The following WDR59 variants were observed in gnomAD, a reference collection of about 807,000 sequenced individuals.
WDR59 encodes WD repeat domain 59.
In WDR59, 100 loss-of-function variants were observed where a neutral mutation model predicts 131.2. That is an observed-to-expected ratio of 0.76 (90% CI 0.65 to 0.90). The LOEUF (loss-of-function observed/expected upper bound fraction) is 0.90, where lower values mean the gene tolerates loss of function less well. Ranked by LOEUF, WDR59 falls within the 40% of genes least tolerant of loss-of-function variation. The probability of loss-of-function intolerance (pLI) is 0.00; values close to 1 mark genes in which losing one functional copy is unlikely to be tolerated. For missense variants in WDR59, 1,203 were observed against 1,262.2 expected (o/e 0.95, Z 0.71); for synonymous variants, 601 against 466.2 (o/e 1.29, Z -3.72).
chr16:74,915,902 T>C lies in WDR59; in HGVS notation c.1192A>G (p.Ile398Val). 4 of 1,614,204 alleles carry C rather than the reference T, an allele frequency of 2.5e-6. No individual in the cohort carries two copies. The highest frequency in any genetic ancestry group is 3.4e-6 in the Non-Finnish European group (4 of 1,180,022). ...TTGACATTCCGGATTTGCACATTGA[T>C]CAGGGAGAATTCCTGCTGCAAGGTC... ...PQTLQQEFSL[I>V]NVQIRNVNVE... Residue 398 changes from isoleucine (I) to valine (V), a missense_variant, in exon 13 of 26, where the codon ATC becomes GTC. Physicochemically the swap from Ile to Val is conservative, Grantham distance 29. Transcript: ENST00000262144.
At chr16:74,900,384 TAACAATATGAGTATCTG>T (rs1965496287) in intron 18 of WDR59, among the ~76,000 whole-genome samples, 1 of 152,196 alleles carries the variant, frequency 6.6e-6, no homozygotes, top group Non-Finnish European at 1.5e-5. Context: ...GCACCTTTGC[TAACAATATGAGTATCTG>T]TTTACGGAGA....
chr16:74,970,477 A>T, intron 1 of WDR59, among the ~76,000 whole-genome samples: 1 of 137,386 alleles, frequency 7.3e-6, no homozygotes, highest in Non-Finnish European at 1.6e-5. Context: ...CCTGGGTGAC[A>T]GAGAGAGACT....
At chr16:74,939,716 G>A (rs2032072495) in intron 7 of WDR59, among the ~76,000 whole-genome samples, 2 of 152,064 alleles carry the variant, frequency 1.3e-5, no homozygotes. Flanking sequence ...AGGCTGGGTG[G>A]AGTGGCTCAC....
Position 74,893,828 on chromosome 16 carries a change from A to T in WDR59, c.1867-16T>A. 1 of 1,613,472 alleles carries T rather than the reference A, an allele frequency of 6.2e-7. No individual in the cohort carries two copies. Among genetic ancestry groups the T allele is most frequent in the East Asian group, 2.2e-5 (1 of 44,838 alleles). ...GTCTTGATTTCTAGGGGTAGATGAC[A>T]GGATGTAACTAATGGGGACTTTGAC... On this transcript the variant is annotated splice_polypyrimidine_tract_variant and intron_variant, in intron 18 of 25. Coordinates refer to ENST00000262144, the MANE Select transcript of WDR59 (RefSeq NM_030581.4).
chr16:74,981,631 T>TAC (rs545176557), intron 1 of WDR59, among the ~76,000 whole-genome samples: 77 of 5,792 alleles, frequency 0.013, no homozygotes, highest in African/African-American at 0.038. Flanking sequence ...TATATATATA[T>TAC]ATATATATAT....
intron 3 of WDR59, among the ~76,000 whole-genome samples, chr16:74,952,356 C>T (rs535978312): frequency 2.7e-5 from 4 of 148,404 alleles, no homozygotes; most frequent in Non-Finnish European, 4.4e-5. Flanking sequence ...GTGGGAGGAT[C>T]GCTTGAGCCT....
Position 74,909,494 on chromosome 16 carries a change from G to T in WDR59, c.1642+7C>A. On this transcript the variant is annotated splice_region_variant and intron_variant, in intron 16 of 25. Coordinates refer to ENST00000262144, the MANE Select transcript of WDR59 (RefSeq NM_030581.4). ...AAATCTAGAATCAAAGAACCAAAGA[G>T]ACCCACCTGCTCCGCAGAACCTGGC... The T allele has an allele frequency of 3.2e-6, 5 of 1,546,282 alleles. No individual in the cohort carries two copies. The South Asian group carries it at 6.2e-5, about 19-fold the overall frequency.
chr16:74,952,368 G>A (rs552902116), intron 3 of WDR59, among the ~76,000 whole-genome samples: 1 of 150,898 alleles, frequency 6.6e-6, no homozygotes, highest in African/African-American at 2.4e-5. Flanking sequence ...CTTGAGCCTG[G>A]GAGGTCGAGG....
intron 18 of WDR59, among the ~76,000 whole-genome samples, chr16:74,894,817 A>C (rs1597658204): frequency 6.6e-6 from 1 of 152,200 alleles, no homozygotes; most frequent in Non-Finnish European, 1.5e-5. Context: ...CTCACTGACA[A>C]CTTATGGCCA....
chr16:74,941,318 G>A (rs2032203371), intron 7 of WDR59, among the ~76,000 whole-genome samples: 1 of 146,686 alleles, frequency 6.8e-6, no homozygotes, highest in Non-Finnish European at 1.5e-5. Flanking sequence ...TCCAGTCTGG[G>A]TGACAGAATG....
At chr16:74,975,467 A>G (rs1033826791) in intron 1 of WDR59, among the ~76,000 whole-genome samples, 3 of 152,068 alleles carry the variant, frequency 2.0e-5, no homozygotes, top group Non-Finnish European at 1.5e-5. Flanking sequence ...GTTTGAGACT[A>G]GCCTGGCCAA....
chr16:74,902,750 T>A (rs1317797465), intron 18 of WDR59, among the ~76,000 whole-genome samples: 1 of 152,102 alleles, frequency 6.6e-6, no homozygotes, highest in East Asian at 1.9e-4. Context: ...GTTTATCAAA[T>A]CATCTCTCCA....
chr16:74,897,251 T>C (rs1229526270), intron 18 of WDR59, among the ~76,000 whole-genome samples: 1 of 152,198 alleles, frequency 6.6e-6, no homozygotes, highest in African/African-American at 2.4e-5. Context: ...CTACATGGCT[T>C]CATAGCGGGG....
intron 25 of WDR59, among the ~76,000 whole-genome samples, chr16:74,884,519 C>T (rs1435565427): frequency 1.3e-5 from 2 of 152,098 alleles, no homozygotes; most frequent in Non-Finnish European, 2.9e-5. Context: ...TGGCTAATTT[C>T]GTATTTTTAG....
At chr16:74,968,996 G>C (rs981095102) in intron 1 of WDR59, among the ~76,000 whole-genome samples, 8 of 152,108 alleles carry the variant, frequency 5.3e-5, no homozygotes, top group African/African-American at 1.7e-4. Context: ...TGCTTTGTGG[G>C]GGAAAGGAGT....
chr16:74,935,123 G>T (rs992266380), intron 8 of WDR59, among the ~76,000 whole-genome samples: 1 of 152,084 alleles, frequency 6.6e-6, no homozygotes, highest in African/African-American at 2.4e-5. Context: ...CAGCTACTGA[G>T]GGAGGCTGAG....
At chr16:74,914,593 TA>T (rs538911985) in intron 13 of WDR59, among the ~76,000 whole-genome samples, 11 of 54,802 alleles carry the variant, frequency 2.0e-4, no homozygotes, top group Admixed American at 9.8e-4. Context: ...TACAGCAGAC[TA>T]TTTTTTTTTT....
At chr16:74,929,678 G>C (rs541201206) in intron 8 of WDR59, among the ~76,000 whole-genome samples, 2 of 152,110 alleles carry the variant, frequency 1.3e-5, no homozygotes, top group Non-Finnish European at 2.9e-5. Context: ...CCCACTGCTA[G>C]GTATACACCC....
intron 11 of WDR59, among the ~76,000 whole-genome samples, chr16:74,916,855 T>C (rs1966412828): frequency 1.2e-5 from 1 of 80,482 alleles, no homozygotes. Flanking sequence ...AGAGACTCCA[T>C]CTCAAAAAAA....
Sources: allele counts gnomAD v4.1 joint callset (sites outside exome capture counted in the v4.1 genomes callset), GRCh38; gene constraint gnomAD v4.1.1; transcripts MANE v1.5; gene names NCBI Gene and HGNC (gene_info 2026-07-23, HGNC 2026-07-21).